Variants in UMAD1 observed in about 807,000 individuals in gnomAD.
UMAD1 encodes the protein UBAP1-MVB12-associated (UMA) domain containing 1, also known as UBAP1-MVB12-associated (UMA)-domain containing protein 1.
In UMAD1, 8 loss-of-function variants were observed where a neutral mutation model predicts 6.1. The ratio of observed to expected loss-of-function variants is 1.30; its 90% CI spans 0.76 to 2.35. The LOEUF (loss-of-function observed/expected upper bound fraction) is 2.35. Among genes scored for constraint, UMAD1 ranks in the 30% most tolerant of loss-of-function variants. The probability of loss-of-function intolerance (pLI) is 0.00; values close to 1 mark genes in which losing one functional copy is unlikely to be tolerated. For missense variants in UMAD1, 130 were observed against 78.4 expected (o/e 1.66, Z -2.49); for synonymous variants, 56 against 31.4 (o/e 1.78, Z -2.61).
chr7:7,661,121 T>C (rs1369402189), intron 1 of UMAD1, among the ~76,000 whole-genome samples: 1 of 152,196 alleles, frequency 6.6e-6, no homozygotes, highest in Non-Finnish European at 1.5e-5. Context: ...TTGATACTTG[T>C]GTATGCTTCA....
At chr7:7,739,577 T>G (rs1781422842) in intron 2 of UMAD1, among the ~76,000 whole-genome samples, 1 of 152,198 alleles carries the variant, frequency 6.6e-6, no homozygotes, top group Non-Finnish European at 1.5e-5. Context: ...TCAAGATCTA[T>G]TTTTCTCAAG....
intron 2 of UMAD1, among the ~76,000 whole-genome samples, chr7:7,764,789 C>A (rs1172401609): frequency 6.6e-6 from 1 of 152,134 alleles, no homozygotes; most frequent in African/African-American, 2.4e-5. Flanking sequence ...TGGCAAGGTA[C>A]CCTGCCCTTT....
intron 2 of UMAD1, among the ~76,000 whole-genome samples, chr7:7,753,746 A>T (rs1490042797): frequency 6.6e-6 from 1 of 152,184 alleles, no homozygotes; most frequent in East Asian, 1.9e-4. Flanking sequence ...GGGAGTGCAG[A>T]TATCTCTTCA....
At chr7:7,796,440 G>A (rs982163783) in intron 2 of UMAD1, among the ~76,000 whole-genome samples, 7 of 151,418 alleles carry the variant, frequency 4.6e-5, no homozygotes, top group Non-Finnish European at 7.4e-5. Flanking sequence ...TATTAGAGAC[G>A]GAGTTTCTCC....
intron 1 of UMAD1, among the ~76,000 whole-genome samples, chr7:7,666,378 A>T (rs1583710917): frequency 6.6e-6 from 1 of 151,760 alleles, no homozygotes; most frequent in African/African-American, 2.4e-5. Flanking sequence ...TGATTTTTGT[A>T]TTTTTTTGTA....
chr7:7,835,928 A>C (rs998003613), intron 3 of UMAD1, among the ~76,000 whole-genome samples: 4 of 151,974 alleles, frequency 2.6e-5, no homozygotes, highest in Non-Finnish European at 4.4e-5. Context: ...GGATATTTTT[A>C]CATTCACTGA....
At chr7:7,692,296 T>A (rs1408244822) in intron 2 of UMAD1, 1 of 152,190 alleles carries the variant, frequency 6.6e-6, no homozygotes, top group Non-Finnish European at 1.5e-5. Context: ...CAAAAATTGG[T>A]GCTGCTAGTA....
intron 2 of UMAD1, among the ~76,000 whole-genome samples, chr7:7,711,850 A>G (rs546871333): frequency 3.9e-5 from 6 of 152,276 alleles, no homozygotes; most frequent in Admixed American, 6.5e-5. Flanking sequence ...TTTCAGTCTG[A>G]TTTAAAAAGT....
chr7:7,681,444 A>T (rs898768945), intron 2 of UMAD1, among the ~76,000 whole-genome samples: 5 of 152,124 alleles, frequency 3.3e-5, no homozygotes, highest in Non-Finnish European at 7.4e-5. Context: ...TTGGACAGAA[A>T]ACCTTTCTCC....
chr7:7,793,906 C>G (rs532408154), intron 2 of UMAD1, among the ~76,000 whole-genome samples: 3 of 152,220 alleles, frequency 2.0e-5, no homozygotes, highest in Admixed American at 2.0e-4. Context: ...TAATAGGTGT[C>G]AGATGAATAA....
At chr7:7,671,319 G>T (rs1412831467) in intron 1 of UMAD1, among the ~76,000 whole-genome samples, 5 of 151,976 alleles carry the variant, frequency 3.3e-5, no homozygotes. Flanking sequence ...TTTATTTGAG[G>T]ATATCTTGGC....
At chr7:7,740,535 T>C (rs991621999) in intron 2 of UMAD1, among the ~76,000 whole-genome samples, 1 of 152,246 alleles carries the variant, frequency 6.6e-6, no homozygotes, top group Non-Finnish European at 1.5e-5. Flanking sequence ...TATAAGTTGG[T>C]ATTGCTTTTC....
At chr7:7,656,780 C>T (rs1033817063) in intron 1 of UMAD1, among the ~76,000 whole-genome samples, 14 of 152,174 alleles carry the variant, frequency 9.2e-5, no homozygotes, top group Non-Finnish European at 1.2e-4. Flanking sequence ...AACATACGTG[C>T]GCATGTGTCT....
chr7:7,795,349 G>T lies in UMAD1; in HGVS notation c.83-6321G>T, dbSNP rs551844843. Among the ~76,000 whole-genome samples the T allele has an allele frequency of 6.1e-4, 93 of 152,344 alleles. 1 individual carries two copies. The highest frequency in any genetic ancestry group is 2.2e-3 in the African/African-American group (92 of 41,586). On this transcript the variant is annotated intron_variant, in intron 2 of 3. Coordinates refer to ENST00000682710, the MANE Select transcript of UMAD1 (RefSeq NM_001302348.2). ...TGGTCAGGCTTTTCCCCAAGTGGGA[G>T]GATGTTTCTGTGGAGGATCAGAGCA...
chr7:7,732,762 G>T (rs1013900676), intron 2 of UMAD1, among the ~76,000 whole-genome samples: 1 of 152,210 alleles, frequency 6.6e-6, no homozygotes, highest in African/African-American at 2.4e-5. Context: ...CAGTGGGATA[G>T]GTCAAGTTTA....
chr7:7,843,672 C>G (rs1428285905), intron 3 of UMAD1, among the ~76,000 whole-genome samples: 1 of 151,918 alleles, frequency 6.6e-6, no homozygotes, highest in Non-Finnish European at 1.5e-5. Context: ...AAACTTAAGA[C>G]CCAGTAAAAA....
chr7:7,700,731 T>C (rs777878033), intron 2 of UMAD1, among the ~76,000 whole-genome samples: 4 of 152,032 alleles, frequency 2.6e-5, no homozygotes, highest in Non-Finnish European at 4.4e-5. Flanking sequence ...CTACTAAAAA[T>C]ATAAAAATTA....
At chr7:7,846,256 C>G (rs996821995) in intron 3 of UMAD1, among the ~76,000 whole-genome samples, 5 of 152,178 alleles carry the variant, frequency 3.3e-5, no homozygotes, top group African/African-American at 1.2e-4. Context: ...CTCATAGTGT[C>G]CATTTTATCT....
chr7:7,781,377 T>C (rs999222704), intron 2 of UMAD1, among the ~76,000 whole-genome samples: 8 of 151,810 alleles, frequency 5.3e-5, no homozygotes, highest in African/African-American at 1.9e-4. Context: ...CTTTCTTTTT[T>C]TTTTAGTGGA....
Sources: gnomAD v4.1 joint callset for allele counts (sites outside exome capture counted in the v4.1 genomes callset) on GRCh38, gnomAD v4.1.1 for gene constraint, MANE v1.5 for transcripts, NCBI Gene and HGNC (gene_info 2026-07-23, HGNC 2026-07-21) for gene names.